The following SEMA5A variants were observed in gnomAD, a reference collection of about 807,000 sequenced individuals.
The protein encoded by SEMA5A is semaphorin 5A.
In SEMA5A, 55 loss-of-function variants were observed where a neutral mutation model predicts 135.5. That is an observed-to-expected ratio of 0.41 (90% CI 0.33 to 0.51). The LOEUF (loss-of-function observed/expected upper bound fraction) is 0.51. SEMA5A is among the 20% of genes least tolerant of loss of function. The probability of loss-of-function intolerance (pLI) is 0.37; values close to 1 mark genes in which losing one functional copy is unlikely to be tolerated. For missense variants in SEMA5A, 1,290 were observed against 1,419.9 expected, an observed-to-expected ratio of 0.91 and a Z score of 1.47; for synonymous variants, 580 against 546.5, an observed-to-expected ratio of 1.06 and a Z score of -0.85.
chr5:9,297,772 G>A (rs561623462), intron 5 of SEMA5A, among the ~76,000 whole-genome samples: 3 of 149,616 alleles, frequency 2.0e-5, no homozygotes, highest in South Asian at 2.1e-4. Flanking sequence ...ATGTTGCCCA[G>A]ACTGGTCTTG....
chr5:9,381,276 A>G (rs1231670149), intron 2 of SEMA5A, among the ~76,000 whole-genome samples: 1 of 152,240 alleles, frequency 6.6e-6, no homozygotes, highest in Non-Finnish European at 1.5e-5. Flanking sequence ...AAATAAATGA[A>G]GCAGTGACTT....
At chr5:9,252,978 A>G (rs970234388) in intron 5 of SEMA5A, among the ~76,000 whole-genome samples, 1 of 152,094 alleles carries the variant, frequency 6.6e-6, no homozygotes, top group African/African-American at 2.4e-5. Context: ...CAGCCTCACT[A>G]TCCCCCTACT....
chr5:9,154,808 A>C (rs1182878443), intron 11 of SEMA5A, 113 bp from the exon 12 acceptor site: 1 of 906,870 alleles, frequency 1.1e-6, no homozygotes, highest in Non-Finnish European at 1.7e-6. Flanking sequence ...CAGGAAAGCC[A>C]TCTGAGCATC....
chr5:9,190,251 G>T lies in SEMA5A; in HGVS notation c.1273+16C>A. 6.2e-7 allele frequency: 1 copy of T among 1,611,480 alleles called. No homozygotes were observed. Among genetic ancestry groups the T allele is most frequent in the African/African-American group, 1.3e-5 (1 of 74,944 alleles). ...AAGATGGTAGAAAACCCCTCAGAGG[G>T]GGCCAGAGCTCCTACCTGTGGCCAA... is the stretch of plus-strand genomic sequence containing the variant. On this transcript the variant is annotated intron_variant, in intron 11 of 22. Coordinates refer to ENST00000382496, the MANE Select transcript of SEMA5A (RefSeq NM_003966.3).
intron 5 of SEMA5A, among the ~76,000 whole-genome samples, chr5:9,246,267 T>A (rs979176828): frequency 1.3e-5 from 2 of 152,146 alleles, no homozygotes; most frequent in Admixed American, 6.5e-5. Context: ...TTTTTATACA[T>A]GAATTTCCTA....
chr5:9,073,509 G>A (rs899879818), intron 16 of SEMA5A, among the ~76,000 whole-genome samples: 1 of 152,110 alleles, frequency 6.6e-6, no homozygotes, highest in Non-Finnish European at 1.5e-5. Context: ...ACACTTAATG[G>A]TTAAAGCCTG....
chr5:9,140,121 A>G (rs1741983871), intron 12 of SEMA5A, among the ~76,000 whole-genome samples: 1 of 152,236 alleles, frequency 6.6e-6, no homozygotes, highest in Admixed American at 6.5e-5. Flanking sequence ...CTACAAGTTT[A>G]TAACAGAGAG....
intron 5 of SEMA5A, among the ~76,000 whole-genome samples, chr5:9,297,485 C>T (rs1480969334): frequency 1.3e-5 from 2 of 152,186 alleles, no homozygotes; most frequent in Non-Finnish European, 2.9e-5. Context: ...TCAGCAGACA[C>T]TGAACCTTCA....
intron 4 of SEMA5A, among the ~76,000 whole-genome samples, chr5:9,324,333 G>A (rs1487869894): frequency 6.6e-6 from 1 of 152,110 alleles, no homozygotes; most frequent in Non-Finnish European, 1.5e-5. Context: ...CTCCCAAAGT[G>A]CTGGGATTAC....
At chr5:9,151,116 C>A (rs1742612153) in intron 12 of SEMA5A, among the ~76,000 whole-genome samples, 1 of 152,168 alleles carries the variant, frequency 6.6e-6, no homozygotes, top group Non-Finnish European at 1.5e-5. Context: ...ACTTTACTTT[C>A]AGGATTGACA....
At chr5:9,309,189 G>T (rs1357708612) in intron 5 of SEMA5A, among the ~76,000 whole-genome samples, 1 of 152,126 alleles carries the variant, frequency 6.6e-6, no homozygotes. Context: ...GGTAAAGAGA[G>T]GTTAAGTGGC....
chr5:9,323,767 T>C lies in SEMA5A; in HGVS notation c.225-5350A>G, dbSNP rs375540006. Among the ~76,000 whole-genome samples, 69 of 149,206 alleles carry C rather than the reference T, an allele frequency of 4.6e-4. 1 individual carries two copies. In the East Asian group the frequency reaches 0.01, roughly 23 times the overall value. ...ACCTCCACTTCCTGGGTTCATGCAA[T>C]TCTCCTGCCTCAGCCTCCCCAGTAG... is the stretch of plus-strand genomic sequence containing the variant. On this transcript the variant is annotated intron_variant, in intron 4 of 22. Transcript: ENST00000382496.
chr5:9,394,028 T>TA (rs1055311607), intron 2 of SEMA5A, among the ~76,000 whole-genome samples: 2 of 151,732 alleles, frequency 1.3e-5, no homozygotes, highest in Non-Finnish European at 2.9e-5. Flanking sequence ...TTACCGCCAA[T>TA]AAAAAAACAA....
intron 16 of SEMA5A, among the ~76,000 whole-genome samples, chr5:9,067,497 C>T (rs1334180780): frequency 2.6e-5 from 4 of 152,216 alleles, no homozygotes; most frequent in African/African-American, 9.6e-5. Flanking sequence ...ACACATAATA[C>T]ACCTAGTGAT....
chr5:9,224,687 G>C lies in SEMA5A; in HGVS notation c.633C>G (p.Ser211=). The change falls in exon 8 of 23, where the codon TCC becomes TCG. Residue 211 remains serine (S), a synonymous_variant. Transcript: ENST00000382496. The part of the protein sequence containing the change: ...LPPLRTAQYN[S]KWLNEPNFVS... ...CGGAAGGCTTACCATTGAGCCATTT[G>C]GAGTTGTACTGCGCCGTGCGGAGAG... 6.2e-7 allele frequency: 1 copy of C among 1,614,128 alleles called. No individual in the cohort carries two copies. The highest frequency in any genetic ancestry group is 2.2e-5 in the East Asian group (1 of 44,884).
intron 12 of SEMA5A, among the ~76,000 whole-genome samples, chr5:9,139,658 AT>A (rs1185080356): frequency 6.6e-6 from 1 of 152,192 alleles, no homozygotes; most frequent in Non-Finnish European, 1.5e-5. Flanking sequence ...TTGCATTAAA[AT>A]GCAGCCCTCT....
rs1167851746 is a variant in SEMA5A, at chr5:9,265,327, C to T, written c.271-27437G>A. On this transcript the variant is annotated intron_variant, in intron 5 of 22. Transcript: ENST00000382496. ...ATAACCTCCTTATTAGAAGGACAGG[C>T]CCAGTTCCTGCCTATCCATGAGGTG... The T allele has an allele frequency of 9.5e-6, 4 of 421,982 alleles. No individual in the cohort carries two copies. The East Asian group carries it at 2.1e-4, about 23-fold the overall frequency. 26.1% of individuals were successfully genotyped at this position (421,982 alleles called of 1,614,324 possible).
At chr5:9,109,098 T>G (rs1740097108) in intron 15 of SEMA5A, among the ~76,000 whole-genome samples, 2 of 133,876 alleles carry the variant, frequency 1.5e-5, no homozygotes, top group African/African-American at 5.7e-5. Flanking sequence ...TGGAGTGCAG[T>G]GGCGTGATCT....
At chr5:9,086,248 G>A (rs1165652950) in intron 16 of SEMA5A, among the ~76,000 whole-genome samples, 1 of 152,136 alleles carries the variant, frequency 6.6e-6, no homozygotes, top group African/African-American at 2.4e-5. Context: ...TTTGAAATGT[G>A]AGGACATGAC....
Sources: gnomAD v4.1 joint callset for allele counts (sites outside exome capture counted in the v4.1 genomes callset) on GRCh38, gnomAD v4.1.1 for gene constraint, MANE v1.5 for transcripts, NCBI Gene and HGNC (gene_info 2026-07-23, HGNC 2026-07-21) for gene names.